Variants in PAM observed in about 807,000 individuals in gnomAD.
PAM encodes the protein peptidylglycine alpha-amidating monooxygenase.
Under a neutral mutation model 122.1 loss-of-function variants are expected in PAM, and 72 were observed. The ratio of observed to expected loss-of-function variants is 0.59; its 90% CI spans 0.49 to 0.72. PAM has a LOEUF of 0.72. PAM is among the 30% of genes least tolerant of loss of function. The pLI, the probability that PAM is intolerant of heterozygous loss-of-function variation, is 0.00. For synonymous variants in PAM, 389 were observed against 404.4 expected, an observed-to-expected ratio of 0.96 and a Z score of 0.46; for missense variants, 1,106 against 1,183.7, an observed-to-expected ratio of 0.93 and a Z score of 0.96.
chr5:102,758,090 T>C (rs1580710804), intron 1 of PAM, among the ~76,000 whole-genome samples: 4 of 99,348 alleles, frequency 4.0e-5, no homozygotes, highest in Non-Finnish European at 6.4e-5. Context: ...TTTTTTTTTT[T>C]TTTTTTTTTT....
chr5:102,829,225 C>G (rs934942843), intron 1 of PAM, among the ~76,000 whole-genome samples: 5 of 151,932 alleles, frequency 3.3e-5, no homozygotes, highest in African/African-American at 1.2e-4. Flanking sequence ...AAAATGTATT[C>G]TCGGTACACC....
At chr5:102,982,090 C>T (rs1040505989) in intron 15 of PAM, among the ~76,000 whole-genome samples, 2 of 152,002 alleles carry the variant, frequency 1.3e-5, no homozygotes, top group East Asian at 1.9e-4. Flanking sequence ...CCCAGCCTGC[C>T]GGAGTCCAGA....
chr5:102,766,605 T>C (rs546375191), intron 1 of PAM, among the ~76,000 whole-genome samples: 1 of 152,326 alleles, frequency 6.6e-6, no homozygotes, highest in African/African-American at 2.4e-5. Flanking sequence ...CCAGTATCAG[T>C]TTGTGGCCAG....
chr5:102,755,619 C>G (rs934765816), intron 1 of PAM: 2 of 152,628 alleles, frequency 1.3e-5, no homozygotes, highest in African/African-American at 4.8e-5. Flanking sequence ...TATTAAGTCC[C>G]TGGCCAGTTT....
chr5:102,780,493 A>G (rs187832028), intron 1 of PAM, among the ~76,000 whole-genome samples: 1 of 152,278 alleles, frequency 6.6e-6, no homozygotes, highest in East Asian at 1.9e-4. Context: ...AGCTCATCAT[A>G]AAGACATTTA....
intron 1 of PAM, among the ~76,000 whole-genome samples, chr5:102,847,008 G>A (rs1365311041): frequency 1.3e-5 from 2 of 152,152 alleles, no homozygotes; most frequent in Non-Finnish European, 2.9e-5. Flanking sequence ...TCTTACATGG[G>A]TCATACCTTT....
intron 1 of PAM, among the ~76,000 whole-genome samples, chr5:102,777,577 G>C (rs577094822): frequency 2.0e-5 from 3 of 152,114 alleles, no homozygotes; most frequent in Non-Finnish European, 2.9e-5. Flanking sequence ...TTCTACTAGA[G>C]AATTTAAAAA....
At chr5:102,912,554 A>G (rs2151552709) in intron 4 of PAM, among the ~76,000 whole-genome samples, 1 of 152,066 alleles carries the variant, frequency 6.6e-6, no homozygotes, top group Admixed American at 6.6e-5. Context: ...GTCTATAGAT[A>G]TAGAATCCTT....
chr5:103,029,281 C>G lies in PAM; in HGVS notation c.*216C>G, dbSNP rs1195384182. On this transcript the variant is annotated 3_prime_UTR_variant, in exon 26 of 26. Coordinates refer to ENST00000438793, the MANE Select transcript of PAM (RefSeq NM_001177306.2). ...AACAGTGCCATTGTCTTTATATGAA[C>G]ATAGACTAGAGAAACCGTCCTCTTT... The G allele has an allele frequency of 2.8e-5, 11 of 391,128 alleles. No homozygotes were observed. The highest frequency in any genetic ancestry group is 1.3e-4 in the Admixed American group (3 of 22,776). 24.2% of individuals were successfully genotyped at this position (391,128 alleles called of 1,614,324 possible).
chr5:102,830,750 A>G (rs896055499), intron 1 of PAM, among the ~76,000 whole-genome samples: 2 of 152,214 alleles, frequency 1.3e-5, no homozygotes, highest in African/African-American at 4.8e-5. Flanking sequence ...TTCCCCTGGT[A>G]TGCTGTCTAG....
chr5:103,017,402 C>T lies in PAM; in HGVS notation c.2400C>T (p.Thr800=), dbSNP rs1364558421. 1.2e-6 allele frequency: 2 copies of T among 1,606,982 alleles called. No individual in the cohort carries two copies. Among genetic ancestry groups the T allele is most frequent in the Middle Eastern group, 1.7e-4 (1 of 6,044 alleles). The change falls in exon 22 of 26, where the codon ACC becomes ACT. Residue 800 remains threonine (T), a synonymous_variant. Coordinates refer to ENST00000438793, the MANE Select transcript of PAM (RefSeq NM_001177306.2). ...DGTVYIGDAH[T]NTVWKFTLTE... ...CTGTGTACATTGGAGATGCTCATAC[C>T]AACACCGTGTGGAAGTTCACCTTGA...
intron 3 of PAM, among the ~76,000 whole-genome samples, chr5:102,878,840 A>G (rs992806954): frequency 6.6e-6 from 1 of 152,174 alleles, no homozygotes; most frequent in African/African-American, 2.4e-5. Flanking sequence ...TATATGAGTC[A>G]AAAAGTTTAA....
chr5:103,009,100 G>A (rs373115258), intron 20 of PAM, among the ~76,000 whole-genome samples: 68 of 152,086 alleles, frequency 4.5e-4, no homozygotes, highest in South Asian at 3.5e-3. Flanking sequence ...TTTATTTAAC[G>A]TAAACATCAC....
chr5:102,827,394 A>G (rs1238088681), intron 1 of PAM, among the ~76,000 whole-genome samples: 1 of 152,108 alleles, frequency 6.6e-6, no homozygotes, highest in Non-Finnish European at 1.5e-5. Flanking sequence ...CCATGTAGGT[A>G]TGCTGAGCCA....
chr5:102,829,628 C>T (rs1774820632), intron 1 of PAM, among the ~76,000 whole-genome samples: 1 of 152,276 alleles, frequency 6.6e-6, no homozygotes. Flanking sequence ...CTGGCCTCGG[C>T]CTCCCAAAAT....
intron 1 of PAM, among the ~76,000 whole-genome samples, chr5:102,799,002 A>G (rs1764040550): frequency 6.6e-6 from 1 of 152,222 alleles, no homozygotes; most frequent in Non-Finnish European, 1.5e-5. Context: ...GTGTGGATGA[A>G]GTAGCATAGC....
chr5:102,895,676 C>A (rs994132462), intron 3 of PAM, among the ~76,000 whole-genome samples: 3 of 151,660 alleles, frequency 2.0e-5, no homozygotes, highest in Non-Finnish European at 4.4e-5. Flanking sequence ...AGTGGACAGA[C>A]CCATTCAAGT....
intron 3 of PAM, 143 bp from the exon 4 acceptor site, chr5:102,901,213 C>T: frequency 1.8e-6 from 1 of 561,394 alleles, no homozygotes; most frequent in Non-Finnish European, 3.2e-6. Context: ...TTAGCCTTTC[C>T]ATTAACCTGC....
intron 1 of PAM, among the ~76,000 whole-genome samples, chr5:102,819,518 G>A (rs1192733830): frequency 6.6e-6 from 1 of 151,844 alleles, no homozygotes; most frequent in Non-Finnish European, 1.5e-5. Flanking sequence ...AAATATTTGT[G>A]TATAATATTT....
Sources: allele counts gnomAD v4.1 joint callset (sites outside exome capture counted in the v4.1 genomes callset), GRCh38; gene constraint gnomAD v4.1.1; transcripts MANE v1.5; gene names NCBI Gene and HGNC (gene_info 2026-07-23, HGNC 2026-07-21).